Variants in SYN3 observed in about 807,000 individuals in gnomAD.
SYN3 encodes synapsin-3.
A neutral mutation model predicts 65.8 loss-of-function variants in SYN3; 35 were observed. That is an observed-to-expected ratio of 0.53 (90% CI 0.41 to 0.70). The LOEUF (loss-of-function observed/expected upper bound fraction) is 0.70. Ranked by LOEUF, SYN3 falls within the 30% of genes least tolerant of loss-of-function variation. The pLI is 0.00. For synonymous variants in SYN3, 270 were observed against 292.9 expected (o/e 0.92, Z 0.80); for missense variants, 680 against 749.0 (o/e 0.91, Z 1.08).
intron 7 of SYN3, among the ~76,000 whole-genome samples, chr22:32,580,155 A>G (rs2058917664): frequency 6.6e-6 from 1 of 152,246 alleles, no homozygotes; most frequent in African/African-American, 2.4e-5. Context: ...GGAGATGGCC[A>G]GGCTCAGAGT....
At chr22:32,841,313 A>C (rs2047894730) in intron 6 of SYN3, among the ~76,000 whole-genome samples, 1 of 152,166 alleles carries the variant, frequency 6.6e-6, no homozygotes, top group South Asian at 2.1e-4. Context: ...CCAGTGTCTG[A>C]TAGAGCACAG....
At chr22:32,822,516 CA>C (rs1266669539) in intron 6 of SYN3, among the ~76,000 whole-genome samples, 10 of 152,232 alleles carry the variant, frequency 6.6e-5, no homozygotes, top group Non-Finnish European at 1.3e-4. Context: ...CAAACATGTG[CA>C]TACACTTTAA....
chr22:33,038,893 C>A (rs1349498936), intron 1 of SYN3, among the ~76,000 whole-genome samples: 1 of 152,188 alleles, frequency 6.6e-6, no homozygotes, highest in Non-Finnish European at 1.5e-5. Flanking sequence ...GCGGAAGCCC[C>A]GGGGCTGTTC....
intron 6 of SYN3, among the ~76,000 whole-genome samples, chr22:32,715,002 C>T (rs918630047): frequency 5.3e-5 from 8 of 152,162 alleles, no homozygotes; most frequent in Non-Finnish European, 7.3e-5. Context: ...CTGCGGAGCG[C>T]TCCTTCCCCC....
Position 32,801,968 on chromosome 22 carries a change from AGCAGCAGCCCCGGCAGCGGCG to A in SYN3, c.711+62926_711+62946del. ...CGCGCACGGCAACTTTGGAGAGGCG[AGCAGCAGCCCCGGCAGCGGCG>A]GCAGCAGCGGCAATGACCCCTTGGC... is the stretch of plus-strand genomic sequence containing the variant. On this transcript the variant is annotated intron_variant, in intron 6 of 13. Transcript: ENST00000358763. The surrounding 1 kb of genome is among the most constrained non-coding windows in gnomAD (Gnocchi z 4.7). 6.3e-7 allele frequency: 1 copy of A among 1,576,670 alleles called. No homozygotes were observed. Among genetic ancestry groups the A allele is most frequent in the Non-Finnish European group, 8.6e-7 (1 of 1,169,206 alleles).
Position 32,871,751 on chromosome 22 carries a change from G to A in SYN3, c.462-2626C>T, listed in dbSNP as rs8140824. Among the ~76,000 whole-genome samples, 916 of 152,014 alleles carry A rather than the reference G, an allele frequency of 6.0e-3. 10 individuals are homozygous for A. Among genetic ancestry groups the A allele is most frequent in the African/African-American group, 0.021 (872 of 41,474 alleles). ...GCCTCCCAAGTAGCTGGGACTACAGGTGCGCACCACCACATCCAGCTAATT... is the reference window on the plus strand; with the variant it reads ...GCCTCCCAAGTAGCTGGGACTACAGATGCGCACCACCACATCCAGCTAATT... On this transcript the variant is annotated intron_variant, in intron 4 of 13. Coordinates refer to ENST00000358763, the MANE Select transcript of SYN3 (RefSeq NM_003490.4).
intron 6 of SYN3, among the ~76,000 whole-genome samples, chr22:32,636,987 G>A (rs779072442): frequency 2.0e-5 from 3 of 152,080 alleles, no homozygotes; most frequent in Non-Finnish European, 4.4e-5. Context: ...ACCCTGTCCC[G>A]CCTCCACCAT....
intron 4 of SYN3, among the ~76,000 whole-genome samples, chr22:32,888,496 G>A (rs1391670354): frequency 3.3e-5 from 5 of 152,248 alleles, no homozygotes; most frequent in Admixed American, 6.5e-5. Flanking sequence ...CTACAGCCTC[G>A]CTGACAGATT....
intron 6 of SYN3, among the ~76,000 whole-genome samples, chr22:32,651,276 A>T (rs2060066731): frequency 6.6e-6 from 1 of 152,012 alleles, no homozygotes; most frequent in South Asian, 2.1e-4. Context: ...GCCAGCATTG[A>T]TGTGTGTGGG....
chr22:32,549,447 C>A (rs1181000775), intron 7 of SYN3, among the ~76,000 whole-genome samples: 1 of 152,032 alleles, frequency 6.6e-6, no homozygotes, highest in Non-Finnish European at 1.5e-5. Flanking sequence ...GTGACAGGAT[C>A]TCACCATGTT....
At position 32,513,008 on chromosome 22, in the gene SYN3, G is replaced by C. The variant is rs2057709746; in HGVS notation, c.*684C>G. The C allele has an allele frequency of 6.6e-6, 1 of 152,134 alleles. No individual in the cohort carries two copies. The highest frequency in any genetic ancestry group is 2.1e-4 in the South Asian group (1 of 4,806). 9.4% of individuals were successfully genotyped at this position (152,134 alleles called of 1,614,324 possible). On this transcript the variant is annotated 3_prime_UTR_variant, in exon 14 of 14. Transcript: ENST00000358763. ...CAAATAAGAATAATGCTCTGAGTAT[G>C]AGTGGCATTACAAGGGCCCCCCTGT...
At chr22:32,994,634 C>G (rs577998321) in intron 2 of SYN3, among the ~76,000 whole-genome samples, 7 of 152,264 alleles carry the variant, frequency 4.6e-5, no homozygotes, top group Non-Finnish European at 8.8e-5. Flanking sequence ...TGTCTCCACT[C>G]TAAGCCTCTC....
chr22:32,832,673 G>GTATTTTATTTTATTTTATTT lies in SYN3; in HGVS notation c.711+32222_711+32241dup, dbSNP rs564439917. ...CAGAGTCTGGTTTGAAAACCCTCGA[G>GTATTTTATTTTATTTTATTT]TATTTTATTTTATTTTATTTTATTT... On this transcript the variant is annotated intron_variant, in intron 6 of 13. Coordinates refer to ENST00000358763, the MANE Select transcript of SYN3 (RefSeq NM_003490.4). Among the ~76,000 whole-genome samples, 191 of 151,572 alleles carry GTATTTTATTTTATTTTATTT rather than the reference G, an allele frequency of 1.3e-3. 1 individual carries two copies. The highest frequency in any genetic ancestry group is 4.4e-3 in the African/African-American group (183 of 41,248).
intron 1 of SYN3, among the ~76,000 whole-genome samples, chr22:33,007,841 CCA>C (rs533190471): frequency 4.2e-4 from 64 of 152,172 alleles, no homozygotes; most frequent in Non-Finnish European, 7.8e-4. Context: ...TTTAAAAAAC[CCA>C]CACTGTTCAT....
At chr22:32,676,513 T>A (rs1012095953) in intron 6 of SYN3, among the ~76,000 whole-genome samples, 41 of 147,132 alleles carry the variant, frequency 2.8e-4, no homozygotes, top group Admixed American at 2.8e-3. Flanking sequence ...CCATTTTCTT[T>A]CTTTTCTTTT....
intron 6 of SYN3, among the ~76,000 whole-genome samples, chr22:32,752,024 T>C (rs185691799): frequency 6.6e-6 from 1 of 152,336 alleles, no homozygotes; most frequent in Non-Finnish European, 1.5e-5. Context: ...CCTCATTAGA[T>C]GATAACCTCT....
chr22:32,733,055 T>G (rs1238261767), intron 6 of SYN3, among the ~76,000 whole-genome samples: 1 of 152,202 alleles, frequency 6.6e-6, no homozygotes, highest in African/African-American at 2.4e-5. Flanking sequence ...CATGCCATGG[T>G]ATCTTTCAAT....
intron 4 of SYN3, among the ~76,000 whole-genome samples, chr22:32,919,563 C>T (rs2050281658): frequency 6.6e-6 from 1 of 152,178 alleles, no homozygotes; most frequent in Non-Finnish European, 1.5e-5. Flanking sequence ...AGTGCAGGAA[C>T]TGTGTTCTAT....
At chr22:32,630,580 G>A (rs1392713982) in intron 6 of SYN3, among the ~76,000 whole-genome samples, 1 of 152,054 alleles carries the variant, frequency 6.6e-6, no homozygotes, top group Non-Finnish European at 1.5e-5. Context: ...ATTAGCTGGG[G>A]CACACTTTTA....
Sources: allele counts gnomAD v4.1 joint callset (sites outside exome capture counted in the v4.1 genomes callset), GRCh38; gene constraint gnomAD v4.1.1; non-coding constraint Gnocchi (gnomAD v3.1); transcripts MANE v1.5; gene names NCBI Gene and HGNC (gene_info 2026-07-23, HGNC 2026-07-21).